The following SIM2 variants were observed in gnomAD, a reference collection of about 807,000 sequenced individuals.
SIM2 encodes single-minded homolog 2.
SIM2 carries 28 observed loss-of-function variants against 64.8 expected under a neutral mutation model. The ratio of observed to expected loss-of-function variants is 0.43; its 90% CI spans 0.32 to 0.59. The LOEUF is 0.59. Among genes scored for constraint, SIM2 ranks in the 20% least tolerant of loss-of-function variants. SIM2 has a pLI of 0.07. For missense variants in SIM2, 847 were observed against 871.4 expected (o/e 0.97, Z 0.35); for synonymous variants, 408 against 391.1 (o/e 1.04, Z -0.51).
At chr21:36,719,954 A>G in intron 4 of SIM2, 25 bp downstream of exon 4, 1 of 1,445,432 alleles carries the variant, frequency 6.9e-7, no homozygotes, top group East Asian at 2.3e-5. Context: ...GGGAAAAAAA[A>G]AAACAGACTA....
chr21:36,731,932 G>C (rs2088974425), intron 7 of SIM2, among the ~76,000 whole-genome samples: 2 of 152,130 alleles, frequency 1.3e-5, no homozygotes, highest in Admixed American at 6.5e-5. Context: ...GCCCAGGCTG[G>C]AGTGCAGTGG....
At chr21:36,736,148 C>T (rs2089043994) in intron 7 of SIM2, among the ~76,000 whole-genome samples, 1 of 152,158 alleles carries the variant, frequency 6.6e-6, no homozygotes. Flanking sequence ...CCAGCAGTGA[C>T]AGCAACCCCC....
At chr21:36,715,220 T>C (rs1048239822) in intron 3 of SIM2, among the ~76,000 whole-genome samples, 2 of 152,240 alleles carry the variant, frequency 1.3e-5, no homozygotes, top group Admixed American at 1.3e-4. Flanking sequence ...AACTTTTCTC[T>C]CAAATCTTCC....
At chr21:36,700,845 T>C (rs896591182) in intron 1 of SIM2, among the ~76,000 whole-genome samples, 2 of 152,192 alleles carry the variant, frequency 1.3e-5, no homozygotes, top group African/African-American at 2.4e-5. Context: ...CTTTTCAGGA[T>C]TGAAAATGTG....
intron 6 of SIM2, among the ~76,000 whole-genome samples, chr21:36,727,114 T>G (rs2123466009): frequency 6.6e-6 from 1 of 152,342 alleles, no homozygotes; most frequent in African/African-American, 2.4e-5. Context: ...CTCAGCTCAC[T>G]GCAACCTCTG....
intron 7 of SIM2, among the ~76,000 whole-genome samples, chr21:36,735,891 C>G (rs112452342): frequency 0.056 from 8,518 of 152,280 alleles, 282 homozygotes; most frequent in Middle Eastern, 0.11. Flanking sequence ...TCACACAGTG[C>G]TTTGGTGGCT....
intron 6 of SIM2, among the ~76,000 whole-genome samples, chr21:36,729,283 A>T (rs1568934574): frequency 6.6e-6 from 1 of 152,040 alleles, no homozygotes; most frequent in Non-Finnish European, 1.5e-5. Flanking sequence ...CCTGCCACAC[A>T]GAGTTAGATT....
At chr21:36,715,624 T>C (rs1230470209) in intron 3 of SIM2, among the ~76,000 whole-genome samples, 2 of 152,254 alleles carry the variant, frequency 1.3e-5, no homozygotes, top group African/African-American at 2.4e-5. Flanking sequence ...TAAAGATGTC[T>C]TTCATGTTGA....
chr21:36,726,012 G>A lies in SIM2; in HGVS notation c.544-107G>A. 1.1e-6 allele frequency: 1 copy of A among 899,600 alleles called. No homozygotes were observed. The highest frequency in any genetic ancestry group is 1.8e-6 in the Non-Finnish European group (1 of 566,228). The allele number at this position is 899,600 out of a possible 1,614,324, so 55.7% of individuals were successfully genotyped here. A position where few individuals can be genotyped will look rare whatever the true frequency, so the allele number is the denominator to read the frequency against. On this transcript the variant is annotated intron_variant, in intron 5 of 10. Coordinates refer to ENST00000290399, the MANE Select transcript of SIM2 (RefSeq NM_005069.6). The surrounding 1 kb of genome is among the most constrained non-coding windows in gnomAD (Gnocchi z 4.5). ...ACATTGGGCCGCACAGTGGAGTAGA[G>A]GCTGGGCTGGGAGATATTCTAGCAT... is the stretch of plus-strand genomic sequence containing the variant.
At chr21:36,727,408 G>T (rs2850099) in intron 6 of SIM2, among the ~76,000 whole-genome samples, 8,219 of 152,228 alleles carry the variant, frequency 0.054, 607 homozygotes, top group African/African-American at 0.17. Flanking sequence ...TGTTTGTGGG[G>T]TACATTGTGA....
chr21:36,707,970 C>G (rs1568925037), intron 1 of SIM2, among the ~76,000 whole-genome samples: 2 of 150,818 alleles, frequency 1.3e-5, no homozygotes, highest in Non-Finnish European at 3.0e-5. Flanking sequence ...TGGGCCTGGC[C>G]CAGCGTGGGT....
rs1286838696 is a variant in SIM2 at position 36,740,705 on chromosome 21, A to G, written c.851-1012A>G. 5.3e-5 allele frequency among the ~76,000 whole-genome samples: 8 copies of G among 152,268 alleles called. No homozygotes were observed. In the South Asian group the frequency reaches 1.7e-3, roughly 32 times the overall value. Reference sequence around the variant, plus strand: ...GAATTTTTGTTGCATATGAGCCTCAAAGGCTGAATTTTTGTTGGAAATGCA... The same window carrying G: ...GAATTTTTGTTGCATATGAGCCTCAGAGGCTGAATTTTTGTTGGAAATGCA... On this transcript the variant is annotated intron_variant, in intron 7 of 10. Coordinates refer to ENST00000290399, the MANE Select transcript of SIM2 (RefSeq NM_005069.6).
chr21:36,725,711 C>T (rs2088881232), intron 5 of SIM2, among the ~76,000 whole-genome samples: 1 of 152,164 alleles, frequency 6.6e-6, no homozygotes, highest in South Asian at 2.1e-4. Context: ...CCCCCGCCTC[C>T]AGGGCTCAAG....
Position 36,745,507 on chromosome 21 carries a change from C to G in SIM2, c.1576+371C>G. ...ATTTCTTTTGCAAGATTCCTTTCCA[C>G]TCCAACCAGAAGTGAATATTTGAGA... On this transcript the variant is annotated intron_variant, in intron 10 of 10. Coordinates refer to ENST00000290399, the MANE Select transcript of SIM2 (RefSeq NM_005069.6). This position sits in a 1 kb window ranked among gnomAD's most constrained non-coding sequence, Gnocchi z 4.8. 2 of 1,147,348 alleles carry G rather than the reference C, an allele frequency of 1.7e-6. No homozygotes were observed. The highest frequency in any genetic ancestry group is 4.3e-5 in the South Asian group (2 of 45,982). 71.1% of individuals were successfully genotyped at this position (1,147,348 alleles called of 1,614,324 possible).
intron 3 of SIM2, among the ~76,000 whole-genome samples, 161 bp downstream of exon 3, chr21:36,712,783 G>A (rs764980064): frequency 3.3e-5 from 5 of 152,120 alleles, no homozygotes; most frequent in Admixed American, 6.5e-5. Context: ...CATCCTGCAG[G>A]GGTTTTCTTC....
chr21:36,721,459 T>G (rs2088821486), intron 4 of SIM2, among the ~76,000 whole-genome samples: 1 of 152,082 alleles, frequency 6.6e-6, no homozygotes, highest in African/African-American at 2.4e-5. Context: ...TTTTTTGGAG[T>G]TGGAGTTTCA....
Position 36,726,414 on chromosome 21 carries a change from C to A in SIM2, c.743+96C>A, listed in dbSNP as rs1417204941. ...AGCTGCCATCTTGGCCAAATCATAA[C>A]AAGGAATAAGTCATAATAGGAATGT... On this transcript the variant is annotated intron_variant, in intron 6 of 10. Transcript: ENST00000290399. This position sits in a 1 kb window ranked among gnomAD's most constrained non-coding sequence, Gnocchi z 4.5. The A allele has an allele frequency of 1.9e-6, 2 of 1,075,954 alleles. No homozygotes were observed. Among genetic ancestry groups the A allele is most frequent in the African/African-American group, 1.6e-5 (1 of 64,172 alleles). The allele number at this position is 1,075,954 out of a possible 1,614,324, so 66.7% of individuals were successfully genotyped here.
At chr21:36,717,622 A>T (rs1208490384) in intron 3 of SIM2, among the ~76,000 whole-genome samples, 4 of 151,568 alleles carry the variant, frequency 2.6e-5, no homozygotes, top group Non-Finnish European at 4.4e-5. Context: ...TAATTTTTGT[A>T]TTTTTAGTAT....
intron 7 of SIM2, among the ~76,000 whole-genome samples, chr21:36,738,993 G>C (rs1240488487): frequency 1.3e-5 from 2 of 152,230 alleles, no homozygotes; most frequent in African/African-American, 2.4e-5. Flanking sequence ...GGGTGGTGGG[G>C]CTTGATGGAG....
Sources: allele counts gnomAD v4.1 joint callset (sites outside exome capture counted in the v4.1 genomes callset), GRCh38; gene constraint gnomAD v4.1.1; non-coding constraint Gnocchi (gnomAD v3.1); transcripts MANE v1.5; gene names NCBI Gene and HGNC (gene_info 2026-07-23, HGNC 2026-07-21).